Variants in DZANK1 observed in about 807,000 individuals in gnomAD.
The protein encoded by DZANK1 is double zinc ribbon and ankyrin repeat-containing protein 1.
DZANK1 carries 91 observed loss-of-function variants against 94.5 expected under a neutral mutation model. The observed-to-expected ratio is 0.96, with a 90% CI of 0.81 to 1.15. The LOEUF is 1.15. Ranked by LOEUF, DZANK1 falls within the 50% of genes most tolerant of loss-of-function variation. The pLI is 0.00. For missense variants in DZANK1, 903 were observed against 916.4 expected, an observed-to-expected ratio of 0.99 and a Z score of 0.19; for synonymous variants, 312 against 325.3, an observed-to-expected ratio of 0.96 and a Z score of 0.44.
At chr20:18,459,569 T>G (rs897302863) in intron 3 of DZANK1, among the ~76,000 whole-genome samples, 5 of 152,212 alleles carry the variant, frequency 3.3e-5, no homozygotes, top group African/African-American at 1.2e-4. Context: ...GGTTTTTTTT[T>G]GTTTTGTTTT....
In DZANK1 at chr20:18,460,013, C is replaced by T. The variant is rs533515635; in HGVS notation, c.263+140G>A. On this transcript the variant is annotated intron_variant, in intron 3 of 20. Transcript: ENST00000262547. Reference sequence around the variant, plus strand: ...AAAGGCAAGTAAAACACAAATGTTACATACATATGCTGAAATTAAAATAAT... The same window carrying T: ...AAAGGCAAGTAAAACACAAATGTTATATACATATGCTGAAATTAAAATAAT... 1,880 of 613,322 alleles carry T rather than the reference C, an allele frequency of 3.1e-3. 9 individuals carry two copies. Among genetic ancestry groups the T allele is most frequent in the Non-Finnish European group, 4.1e-3 (1,606 of 390,458 alleles). The allele number at this position is 613,322 out of a possible 1,614,324, so 38.0% of individuals were successfully genotyped here.
At chr20:18,437,582 CAAAGAAAAGAAAAA>C (rs1388290934) in intron 8 of DZANK1, among the ~76,000 whole-genome samples, 2 of 148,928 alleles carry the variant, frequency 1.3e-5, no homozygotes, top group Admixed American at 6.7e-5. Flanking sequence ...GACTCTGTCT[CAAAGAAAAGAAAAA>C]AAAGAAAAGA....
Position 18,448,970 on chromosome 20 carries a change from A to G in DZANK1, c.629+14T>C, listed in dbSNP as rs202079929. On this transcript the variant is annotated intron_variant, in intron 7 of 20. Transcript: ENST00000262547. ...GTAGGATTTAAGGCAGAGTAAAGAG[A>G]ATGTGATACTTACTTGAGAAAGTCT... 65 of 1,601,500 alleles carry G rather than the reference A, an allele frequency of 4.1e-5. No homozygotes were observed. In the African/African-American group the frequency reaches 7.0e-4, roughly 17 times the overall value.
chr20:18,449,033 A>G, exon 7 of DZANK1: 1 of 1,613,940 alleles, frequency 6.2e-7, no homozygotes, highest in Non-Finnish European at 8.5e-7. Flanking sequence ...GTGCTTGTCA[A>G]ACACTTCTGA....
At chr20:18,438,891 A>G (rs1371739179) in intron 8 of DZANK1, among the ~76,000 whole-genome samples, 2 of 152,178 alleles carry the variant, frequency 1.3e-5, no homozygotes, top group Non-Finnish European at 2.9e-5. Flanking sequence ...CACTAATCCC[A>G]TTCATAAGGG....
At chr20:18,413,890 A>C (rs953210024) in intron 12 of DZANK1, among the ~76,000 whole-genome samples, 1 of 152,250 alleles carries the variant, frequency 6.6e-6, no homozygotes, top group African/African-American at 2.4e-5. Context: ...AGAAACATGG[A>C]AAGTCTTTAT....
At chr20:18,425,174 T>G (rs1206148672) in intron 10 of DZANK1, among the ~76,000 whole-genome samples, 1 of 152,172 alleles carries the variant, frequency 6.6e-6, no homozygotes, top group African/African-American at 2.4e-5. Flanking sequence ...TTACTGCATA[T>G]AAATCATATC....
At chr20:18,391,673 G>A (rs993125116) in intron 17 of DZANK1, among the ~76,000 whole-genome samples, 1 of 152,338 alleles carries the variant, frequency 6.6e-6, no homozygotes, top group African/African-American at 2.4e-5. Flanking sequence ...TGGATCCCGG[G>A]CATGGCTGTG....
At chr20:18,419,436 A>G (rs1270841420) in intron 10 of DZANK1, among the ~76,000 whole-genome samples, 1 of 152,196 alleles carries the variant, frequency 6.6e-6, no homozygotes, top group Non-Finnish European at 1.5e-5. Flanking sequence ...ATTTACAGCG[A>G]CAAGATTCTA....
In DZANK1 at chr20:18,415,915, G is replaced by A. The variant is rs78013376; in HGVS notation, c.955-466C>T. ...GAACAATTATTTTATATTGGGGACA[G>A]AGGCAGAATTGTTTTGTGAGAATTC... On this transcript the variant is annotated intron_variant, in intron 10 of 20. Coordinates refer to ENST00000262547, the Ensembl canonical transcript of DZANK1. Among the ~76,000 whole-genome samples, 539 of 152,328 alleles carry A rather than the reference G, an allele frequency of 3.5e-3. 1 individual carries two copies. Among genetic ancestry groups the A allele is most frequent in the Middle Eastern group, 6.8e-3 (2 of 294 alleles).
At chr20:18,384,200 C>G in exon 21 of DZANK1, 1 of 406,632 alleles carries the variant, frequency 2.5e-6, no homozygotes, top group Non-Finnish European at 4.2e-6. Flanking sequence ...ACTGGGATTA[C>G]AGGCATGCAC....
At chr20:18,418,103 G>A (rs1222435964) in intron 10 of DZANK1, among the ~76,000 whole-genome samples, 1 of 151,954 alleles carries the variant, frequency 6.6e-6, no homozygotes, top group East Asian at 1.9e-4. Context: ...AAAATCTGCT[G>A]ATAATACATG....
At chr20:18,448,866 CAA>C (rs1204337584) in intron 7 of DZANK1, 116 bp downstream of exon 7, 42,827 of 460,466 alleles carry the variant, frequency 0.093, 407 homozygotes, top group South Asian at 0.13. Flanking sequence ...GACTCCGTCT[CAA>C]AAAAAAAAAA....
chr20:18,466,941 G>A (rs1292916052), intron 1 of DZANK1, 55 bp downstream of exon 1: 1 of 152,940 alleles, frequency 6.5e-6, no homozygotes, highest in East Asian at 1.9e-4. Context: ...CGGGGCCCGG[G>A]ATCGGGACCC....
chr20:18,447,195 G>GC (rs1332445235), intron 7 of DZANK1, among the ~76,000 whole-genome samples: 1 of 152,174 alleles, frequency 6.6e-6, no homozygotes, highest in African/African-American at 2.4e-5. Context: ...CCTCAACTTG[G>GC]CTGGGTGTGG....
intron 9 of DZANK1, among the ~76,000 whole-genome samples, chr20:18,427,721 A>AG (rs2058106208): frequency 6.6e-6 from 1 of 152,084 alleles, no homozygotes; most frequent in Non-Finnish European, 1.5e-5. Flanking sequence ...TAGACCAGCA[A>AG]GGGATTATCT....
chr20:18,449,620 T>C (rs1159695360), intron 6 of DZANK1, among the ~76,000 whole-genome samples: 1 of 151,096 alleles, frequency 6.6e-6, no homozygotes, highest in Non-Finnish European at 1.5e-5. Context: ...TAGCTGGGTG[T>C]GGTGGCGGGT....
intron 17 of DZANK1, among the ~76,000 whole-genome samples, chr20:18,390,827 AG>A (rs1172791345): frequency 1.6e-4 from 24 of 152,334 alleles, no homozygotes; most frequent in African/African-American, 5.5e-4. Flanking sequence ...AAAGTGTTCA[AG>A]GTCAGCCAAA....
chr20:18,446,064 C>CA (rs144762783), intron 7 of DZANK1, among the ~76,000 whole-genome samples: 58,856 of 124,304 alleles, frequency 0.47, 12,143 homozygotes, highest in East Asian at 0.73. Context: ...CACGCCCAGC[C>CA]AAAAAAAAAA....
Sources: allele counts gnomAD v4.1 joint callset (sites outside exome capture counted in the v4.1 genomes callset), GRCh38; gene constraint gnomAD v4.1.1; transcripts MANE v1.5; gene names NCBI Gene and HGNC (gene_info 2026-07-23, HGNC 2026-07-21).